KAT6B: variants seen among roughly 807,000 people sequenced by gnomAD.
KAT6B encodes the protein histone acetyltransferase KAT6B.
KAT6B carries 10 observed loss-of-function variants against 187.5 expected under a neutral mutation model. The observed-to-expected ratio is 0.05, with a 90% CI of 0.03 to 0.09. The LOEUF (loss-of-function observed/expected upper bound fraction) is 0.09, where lower values mean the gene tolerates loss of function less well. KAT6B is among the 10% of genes least tolerant of loss of function. The pLI is 1.00. For synonymous variants in KAT6B, 861 were observed against 926.8 expected, an observed-to-expected ratio of 0.93 and a Z score of 1.29; for missense variants, 1,952 against 2,558.9, an observed-to-expected ratio of 0.76 and a Z score of 5.12.
chr10:74,849,474 G>A (rs921490281), intron 3 of KAT6B, among the ~76,000 whole-genome samples: 8 of 150,762 alleles, frequency 5.3e-5, no homozygotes, highest in Admixed American at 6.6e-5. Context: ...AGTATTTTTA[G>A]TAGAGACAGG....
chr10:74,926,055 A>G (rs558463778), intron 3 of KAT6B, among the ~76,000 whole-genome samples: 2 of 152,346 alleles, frequency 1.3e-5, no homozygotes, highest in South Asian at 2.1e-4. Context: ...TAGACCTCAT[A>G]TGTGTATTGT....
chr10:75,011,770 C>A (rs1844626733), intron 13 of KAT6B, among the ~76,000 whole-genome samples: 1 of 152,094 alleles, frequency 6.6e-6, no homozygotes, highest in Non-Finnish European at 1.5e-5. Context: ...GGTGACACAC[C>A]ATACACTCAC....
At position 74,842,623 on chromosome 10, in the gene KAT6B, G is replaced by A. The variant is rs891294002; in HGVS notation, c.-235G>A. 6.6e-6 allele frequency: 4 copies of A among 603,840 alleles called. No individual in the cohort carries two copies. The highest frequency in any genetic ancestry group is 3.0e-5 in the Admixed American group (1 of 33,498). 37.4% of individuals were successfully genotyped at this position (603,840 alleles called of 1,614,324 possible). On this transcript the variant is annotated 5_prime_UTR_variant, in exon 3 of 18. It removes an upstream start codon present in the reference 5' UTR. Coordinates refer to ENST00000287239, the MANE Select transcript of KAT6B (RefSeq NM_012330.4). ...AGGTCTTGATTTCCCAGTTAAAGAT[G>A]TTCTTCACCCGAATGCAGTCTTTCC... is the stretch of plus-strand genomic sequence containing the variant.
At chr10:75,025,528 G>A in intron 17 of KAT6B, 1 of 378,554 alleles carries the variant, frequency 2.6e-6, no homozygotes, top group Non-Finnish European at 4.9e-6. Context: ...TTTGAAGTCT[G>A]TTGACAAGAA....
chr10:74,829,422 C>T (rs1257441742), intron 1 of KAT6B, among the ~76,000 whole-genome samples: 2 of 152,072 alleles, frequency 1.3e-5, no homozygotes, highest in Non-Finnish European at 2.9e-5. Flanking sequence ...CGTGCTTACA[C>T]ATGCCTACAT....
chr10:75,017,093 C>T (rs543016972), intron 13 of KAT6B, among the ~76,000 whole-genome samples: 148 of 151,892 alleles, frequency 9.7e-4, no homozygotes, highest in African/African-American at 3.4e-3. Flanking sequence ...GAACTCCTGA[C>T]CTCAGGTGAT....
intron 3 of KAT6B, among the ~76,000 whole-genome samples, chr10:74,944,808 CAAAAAAAAAAAAAAA>C (rs58164194): frequency 6.1e-5 from 2 of 32,896 alleles, no homozygotes; most frequent in African/African-American, 2.0e-4. Context: ...GACTCCGTCT[CAAAAAAAAAAAAAAA>C]AAAAAAAAAA....
chr10:74,952,378 C>A (rs1840376686), intron 3 of KAT6B, among the ~76,000 whole-genome samples: 1 of 151,822 alleles, frequency 6.6e-6, no homozygotes, highest in African/African-American at 2.4e-5. Flanking sequence ...TATGGAGATT[C>A]TGGAGTGGTG....
chr10:74,835,724 T>G (rs1253936783), intron 1 of KAT6B, among the ~76,000 whole-genome samples: 3 of 152,246 alleles, frequency 2.0e-5, no homozygotes, highest in Non-Finnish European at 4.4e-5. Flanking sequence ...ATAATCTATG[T>G]AAAGTACCTG....
At chr10:74,960,190 A>G (rs771467825) in intron 4 of KAT6B, 112 bp downstream of exon 4, 7 of 787,800 alleles carry the variant, frequency 8.9e-6, no homozygotes, top group Non-Finnish European at 1.6e-5. Context: ...ATATGGTAAT[A>G]GCATAGGCTT....
At chr10:74,927,236 C>T (rs1848571919) in intron 3 of KAT6B, among the ~76,000 whole-genome samples, 1 of 152,166 alleles carries the variant, frequency 6.6e-6, no homozygotes, top group African/African-American at 2.4e-5. Context: ...CAAACCCCTC[C>T]CTTTGCTCCC....
intron 3 of KAT6B, among the ~76,000 whole-genome samples, chr10:74,896,616 G>A (rs1204984228): frequency 6.6e-6 from 1 of 152,200 alleles, no homozygotes; most frequent in Non-Finnish European, 1.5e-5. Flanking sequence ...ACGATTATGG[G>A]TAGAAAGAAA....
chr10:75,002,377 C>CAA (rs56402723), intron 13 of KAT6B, among the ~76,000 whole-genome samples: 38 of 126,498 alleles, frequency 3.0e-4, no homozygotes, highest in South Asian at 1.4e-3. Context: ...TGGCACTAAC[C>CAA]AAAAAAAAAA....
intron 6 of KAT6B, among the ~76,000 whole-genome samples, 190 bp downstream of exon 6, chr10:74,970,291 A>G (rs1841765215): frequency 6.6e-6 from 1 of 151,522 alleles, no homozygotes; most frequent in African/African-American, 2.4e-5. Context: ...ATACATATAT[A>G]TATGTGTATA....
At chr10:74,988,977 A>T in intron 12 of KAT6B, 42 bp from the exon 13 acceptor site, 1 of 1,407,466 alleles carries the variant, frequency 7.1e-7, no homozygotes, top group South Asian at 1.1e-5. Context: ...TGCCCACTTC[A>T]GCAGGGCTCT....
Position 75,030,072 on chromosome 10 carries a change from TCTC to T in KAT6B, c.5252_5254del (p.Pro1751del), listed in dbSNP as rs772554894. The T allele has an allele frequency of 1.2e-6, 2 of 1,614,076 alleles. No individual in the cohort carries two copies. The highest frequency in any genetic ancestry group is 1.7e-6 in the Non-Finnish European group (2 of 1,179,992). On this transcript the variant is annotated inframe_deletion, in exon 18 of 18. Transcript: ENST00000287239. This position sits in a 1 kb window ranked among gnomAD's most constrained non-coding sequence, Gnocchi z 4.8. Reference sequence around the variant, plus strand: ...CTCCCCTCCGACCTGCAGCGTCAAGTCTCCTCAAGGCTGTGTGGTGGAGAGGCC... The same window carrying T: ...CTCCCCTCCGACCTGCAGCGTCAAGTCTCAAGGCTGTGTGGTGGAGAGGCC...
chr10:74,882,509 T>C (rs1392969135), intron 3 of KAT6B, among the ~76,000 whole-genome samples: 1 of 152,252 alleles, frequency 6.6e-6, no homozygotes, highest in Non-Finnish European at 1.5e-5. Context: ...TGTGCATCTA[T>C]AATAAGTTGT....
intron 12 of KAT6B, 108 bp downstream of exon 12, chr10:74,985,349 T>C (rs1842743409): frequency 8.8e-7 from 1 of 1,136,664 alleles, no homozygotes; most frequent in Non-Finnish European, 1.3e-6. Flanking sequence ...ATAAGTGACA[T>C]GTGTTTTTGA....
chr10:74,830,569 C>G (rs994064205), intron 1 of KAT6B, among the ~76,000 whole-genome samples: 1 of 150,950 alleles, frequency 6.6e-6, no homozygotes, highest in African/African-American at 2.4e-5. Context: ...TACTAAGTAC[C>G]AAACTCTTCT....
Sources: gnomAD v4.1 joint callset for allele counts (sites outside exome capture counted in the v4.1 genomes callset) on GRCh38, gnomAD v4.1.1 for gene constraint, Gnocchi (gnomAD v3.1) non-coding constraint, MANE v1.5 for transcripts, NCBI Gene and HGNC (gene_info 2026-07-23, HGNC 2026-07-21) for gene names.